The following CNTNAP3B variants were observed in gnomAD, a reference collection of about 807,000 sequenced individuals.
CNTNAP3B encodes the protein contactin associated protein family member 3B, also known as contactin-associated protein-like 3B.
CNTNAP3B carries 25 observed loss-of-function variants against 108.9 expected under a neutral mutation model. The observed-to-expected ratio is 0.23, with a 90% CI of 0.17 to 0.32. CNTNAP3B has a LOEUF of 0.32. Ranked by LOEUF, CNTNAP3B falls within the 10% of genes least tolerant of loss-of-function variation. The pLI is 1.00. For missense variants in CNTNAP3B, 252 were observed against 1,210.4 expected, an observed-to-expected ratio of 0.21 and a Z score of 11.75; for synonymous variants, 103 against 473.4, an observed-to-expected ratio of 0.22 and a Z score of 10.16.
At chr9:41,958,729 A>G (rs1234595661) in intron 12 of CNTNAP3B, among the ~76,000 whole-genome samples, 1 of 147,978 alleles carries the variant, frequency 6.8e-6, no homozygotes, top group African/African-American at 2.6e-5. Flanking sequence ...ACAAAACAAA[A>G]GAAAACAAAA....
At chr9:42,018,662 C>A (rs551210756) in intron 3 of CNTNAP3B, among the ~76,000 whole-genome samples, 2 of 151,740 alleles carry the variant, frequency 1.3e-5, no homozygotes, top group African/African-American at 2.4e-5. Flanking sequence ...CAGCAGGATG[C>A]TGACTCCTGC....
rs1209700952 is a variant in CNTNAP3B at position 42,111,056 on chromosome 9, T to G, written c.86-6317A>C. Among the ~76,000 whole-genome samples the G allele has an allele frequency of 6.5e-5, 9 of 138,508 alleles. 1 individual carries two copies. Among genetic ancestry groups the G allele is most frequent in the Admixed American group, 6.5e-4 (9 of 13,852 alleles). 90.9% of individuals were successfully genotyped at this position (138,508 alleles called of 152,430 possible). ...TCCCTACATCTCACTCCATGGGGTC[T>G]GAAGGGGGCTCACCCTACCACCTGG... On this transcript the variant is annotated intron_variant, in intron 1 of 23. Coordinates refer to ENST00000377561, the MANE Select transcript of CNTNAP3B (RefSeq NM_001201380.3).
At chr9:41,940,020 C>G (rs926612682) in intron 13 of CNTNAP3B, among the ~76,000 whole-genome samples, 1 of 152,296 alleles carries the variant, frequency 6.6e-6, no homozygotes, top group African/African-American at 2.4e-5. Context: ...AGTGAAAAGA[C>G]ACAGGACAGA....
intron 10 of CNTNAP3B, among the ~76,000 whole-genome samples, chr9:41,967,694 C>G (rs558894800): frequency 2.7e-4 from 41 of 152,378 alleles, no homozygotes; most frequent in Non-Finnish European, 2.6e-4. Flanking sequence ...TGTAGGATGT[C>G]ATTTTGTGTC....
intron 10 of CNTNAP3B, among the ~76,000 whole-genome samples, chr9:41,966,720 A>C (rs868032393): frequency 2.0e-3 from 296 of 151,766 alleles, no homozygotes; most frequent in East Asian, 4.7e-3. Context: ...GTAATCCCAG[A>C]ACTTTGGGAG....
chr9:41,961,616 T>C (rs1173743788), intron 11 of CNTNAP3B, among the ~76,000 whole-genome samples: 10 of 152,418 alleles, frequency 6.6e-5, no homozygotes, highest in African/African-American at 2.2e-4. Flanking sequence ...TAAAACAATA[T>C]GAATGAGCAT....
At chr9:41,947,390 AT>A (rs1217497396) in intron 13 of CNTNAP3B, among the ~76,000 whole-genome samples, 68 of 152,312 alleles carry the variant, frequency 4.5e-4, no homozygotes, top group African/African-American at 1.6e-3. Context: ...ACACTTAGAA[AT>A]TTTTTAAAAT....
intron 1 of CNTNAP3B, among the ~76,000 whole-genome samples, chr9:42,118,131 A>T (rs1291879848): frequency 2.2e-5 from 3 of 138,620 alleles, no homozygotes; most frequent in Non-Finnish European, 1.5e-5. Context: ...TTCTGAAACT[A>T]TTCCAATCAA....
At chr9:41,967,301 T>C (rs1456485833) in intron 10 of CNTNAP3B, among the ~76,000 whole-genome samples, 5 of 152,274 alleles carry the variant, frequency 3.3e-5, no homozygotes, top group African/African-American at 1.2e-4. Flanking sequence ...GTTCTCATGA[T>C]AGTGAATAAG....
At chr9:42,119,346 A>C (rs1828403584) in intron 1 of CNTNAP3B, among the ~76,000 whole-genome samples, 1 of 132,474 alleles carries the variant, frequency 7.5e-6, no homozygotes, top group South Asian at 2.5e-4. Flanking sequence ...AAACAAATGG[A>C]AGAACATTCC....
intron 13 of CNTNAP3B, among the ~76,000 whole-genome samples, chr9:41,943,773 A>AAATT (rs1280160750): frequency 2.6e-5 from 4 of 152,262 alleles, no homozygotes; most frequent in Non-Finnish European, 5.9e-5. Flanking sequence ...GAATGTTTCA[A>AAATT]AATTAATGAC....
At chr9:42,037,452 G>T (rs1826656395) in intron 3 of CNTNAP3B, among the ~76,000 whole-genome samples, 1 of 129,690 alleles carries the variant, frequency 7.7e-6, no homozygotes, top group African/African-American at 3.1e-5. Context: ...TGATGGAGCA[G>T]AAACCATGGC....
At chr9:41,956,394 A>G (rs1040088433) in intron 12 of CNTNAP3B, among the ~76,000 whole-genome samples, 3 of 152,222 alleles carry the variant, frequency 2.0e-5, no homozygotes, top group Non-Finnish European at 4.4e-5. Context: ...TCAAAATAAT[A>G]ATAATAATAA....
intron 12 of CNTNAP3B, among the ~76,000 whole-genome samples, chr9:41,959,330 A>G (rs1355887065): frequency 1.3e-5 from 2 of 152,218 alleles, no homozygotes; most frequent in Non-Finnish European, 2.9e-5. Flanking sequence ...GTACAACTAG[A>G]GAATTTATTA....
rs1828643984 is a variant in CNTNAP3B, at chr9:42,129,407, G to T, written c.-313C>A. ...GTCCCGGACACTAGGCGCGGGAGGC[G>T]GCCGGCACCAACGCGAGTCAAGAAG... On this transcript the variant is annotated 5_prime_UTR_variant, in exon 1 of 24. Transcript: ENST00000377561. The T allele has an allele frequency of 1.3e-5, 4 of 313,130 alleles. No individual in the cohort carries two copies. Among genetic ancestry groups the T allele is most frequent in the South Asian group, 1.3e-4 (1 of 7,702 alleles). The allele number at this position is 313,130 out of a possible 1,614,324, so 19.4% of individuals were successfully genotyped here. A position where few individuals can be genotyped will look rare whatever the true frequency, so the allele number is the denominator to read the frequency against.
intron 1 of CNTNAP3B, among the ~76,000 whole-genome samples, chr9:42,118,430 T>C (rs1828373747): frequency 7.2e-6 from 1 of 138,710 alleles, no homozygotes; most frequent in Non-Finnish European, 1.5e-5. Flanking sequence ...AAAAACCTCA[T>C]GATTATCTCA....
In CNTNAP3B at chr9:41,919,603, G is replaced by A. The variant is rs367589423; in HGVS notation, c.2995+467C>T. ...TATAAGAAAAGACATTTCTATAAAG[G>A]CCTTTTGAATCACTTAAAGTCACTG... On this transcript the variant is annotated intron_variant, in intron 18 of 23. Transcript: ENST00000377561. Among the ~76,000 whole-genome samples, 196 of 152,222 alleles carry A rather than the reference G, an allele frequency of 1.3e-3. No homozygotes were observed. In the East Asian group the frequency reaches 0.03, roughly 23 times the overall value.
intron 2 of CNTNAP3B, among the ~76,000 whole-genome samples, chr9:42,080,199 C>T (rs1321898877): frequency 7.3e-6 from 1 of 137,244 alleles, no homozygotes; most frequent in Non-Finnish European, 1.6e-5. Context: ...TTCTCGGCAT[C>T]CCTCACAGTT....
intron 10 of CNTNAP3B, among the ~76,000 whole-genome samples, chr9:41,968,927 G>A (rs1825360910): frequency 6.6e-6 from 1 of 152,136 alleles, no homozygotes; most frequent in African/African-American, 2.4e-5. Context: ...CTGCCGAGTA[G>A]CTGGAACTAC....
Sources: allele counts gnomAD v4.1 joint callset (sites outside exome capture counted in the v4.1 genomes callset), GRCh38; gene constraint gnomAD v4.1.1; transcripts MANE v1.5; gene names NCBI Gene and HGNC (gene_info 2026-07-23, HGNC 2026-07-21).